The following JMJD1C variants were observed in gnomAD, a reference collection of about 807,000 sequenced individuals.
JMJD1C encodes the protein jumonji domain containing 1C.
Under a neutral mutation model 245.3 loss-of-function variants are expected in JMJD1C, and 31 were observed. The observed-to-expected ratio is 0.13, with a 90% CI of 0.09 to 0.17. The LOEUF (loss-of-function observed/expected upper bound fraction) is 0.17, where lower values mean the gene tolerates loss of function less well. JMJD1C is among the 10% of genes least tolerant of loss of function. The pLI is 1.00. For synonymous variants in JMJD1C, 1,057 were observed against 1,017.4 expected, an observed-to-expected ratio of 1.04 and a Z score of -0.74; for missense variants, 2,691 against 3,000.2, an observed-to-expected ratio of 0.90 and a Z score of 2.41.
intron 1 of JMJD1C, among the ~76,000 whole-genome samples, chr10:63,418,088 TTC>T (rs764004464): frequency 2.0e-5 from 3 of 152,166 alleles, no homozygotes; most frequent in Non-Finnish European, 4.4e-5. Context: ...CAAAATCATA[TTC>T]TGTTTTATTG....
chr10:63,370,300 G>C (rs1946199657), intron 2 of JMJD1C, among the ~76,000 whole-genome samples: 1 of 152,196 alleles, frequency 6.6e-6, no homozygotes, highest in Non-Finnish European at 1.5e-5. Context: ...CTTGAAACTA[G>C]TGCCAGAAGT....
Position 63,260,641 on chromosome 10 carries a change from G to C in JMJD1C, c.447+4010C>G, listed in dbSNP as rs942824389. ...GTCACGCTCTGTTGCCCAGGCTAGA[G>C]TGCAGTGGCGCGGTCTCGGCTCACT... On this transcript the variant is annotated intron_variant, in intron 3 of 25. Coordinates refer to ENST00000399262, the MANE Select transcript of JMJD1C (RefSeq NM_032776.3). Among the ~76,000 whole-genome samples, 3 of 152,078 alleles carry C rather than the reference G, an allele frequency of 2.0e-5. No homozygotes were observed. In the East Asian group the frequency reaches 5.8e-4, roughly 29 times the overall value.
At chr10:63,424,588 C>A (rs1664050440) in intron 1 of JMJD1C, among the ~76,000 whole-genome samples, 1 of 77,776 alleles carries the variant, frequency 1.3e-5, no homozygotes, top group Admixed American at 1.1e-4. Context: ...CTCACTGCAG[C>A]CTCGACCTCC....
chr10:63,217,944 AT>A (rs1234943519), intron 4 of JMJD1C, among the ~76,000 whole-genome samples: 2 of 152,108 alleles, frequency 1.3e-5, no homozygotes, highest in African/African-American at 4.8e-5. Flanking sequence ...ATAATAAAAA[AT>A]ATTAAACATA....
At chr10:63,204,166 G>A in intron 10 of JMJD1C, 1 of 984,794 alleles carries the variant, frequency 1.0e-6, no homozygotes, top group Non-Finnish European at 1.2e-6. Context: ...AGGTAGCCTA[G>A]AACAAAAGCA....
chr10:63,270,686 TG>T (rs1024184214), intron 2 of JMJD1C, among the ~76,000 whole-genome samples: 1 of 152,154 alleles, frequency 6.6e-6, no homozygotes, highest in African/African-American at 2.4e-5. Flanking sequence ...CAGAATGGTC[TG>T]GAACTCCTGA....
At chr10:63,260,356 T>C (rs1305788016) in intron 3 of JMJD1C, among the ~76,000 whole-genome samples, 1 of 152,178 alleles carries the variant, frequency 6.6e-6, no homozygotes, top group African/African-American at 2.4e-5. Context: ...CCACATTCTC[T>C]ATGAAGCAAC....
At chr10:63,373,171 C>T (rs1246503254) in intron 2 of JMJD1C, 1 of 161,522 alleles carries the variant, frequency 6.2e-6, no homozygotes, top group East Asian at 1.9e-4. Context: ...AAGTAACTTA[C>T]ATGAAGACGC....
intron 1 of JMJD1C, among the ~76,000 whole-genome samples, chr10:63,426,543 C>T (rs969218696): frequency 6.6e-6 from 1 of 151,988 alleles, no homozygotes; most frequent in Non-Finnish European, 1.5e-5. Context: ...TGGTGGTGCG[C>T]GCCTGTAATC....
intron 3 of JMJD1C, among the ~76,000 whole-genome samples, chr10:63,238,773 C>CT (rs1324262944): frequency 1.3e-5 from 2 of 152,130 alleles, no homozygotes; most frequent in African/African-American, 4.8e-5. Flanking sequence ...TTGAAATAGT[C>CT]TAAGTGTGGG....
At chr10:63,309,817 T>A (rs1431643730) in intron 2 of JMJD1C, among the ~76,000 whole-genome samples, 2 of 152,172 alleles carry the variant, frequency 1.3e-5, no homozygotes, top group East Asian at 3.9e-4. Context: ...CTCAGGAGGC[T>A]GAGGCAGAAG....
chr10:63,334,381 A>G (rs1470903235), intron 2 of JMJD1C, among the ~76,000 whole-genome samples: 2 of 152,200 alleles, frequency 1.3e-5, no homozygotes, highest in African/African-American at 4.8e-5. Context: ...ACAGATGAAT[A>G]TGATCTATAC....
At chr10:63,255,654 T>C (rs988655997) in intron 3 of JMJD1C, among the ~76,000 whole-genome samples, 5 of 152,176 alleles carry the variant, frequency 3.3e-5, no homozygotes, top group Admixed American at 2.0e-4. Context: ...CTATTTTTGC[T>C]TCCTTCTCAT....
intron 3 of JMJD1C, among the ~76,000 whole-genome samples, chr10:63,263,403 A>T (rs563307088): frequency 6.6e-6 from 1 of 152,190 alleles, no homozygotes; most frequent in African/African-American, 2.4e-5. Context: ...TGCACAACAA[A>T]TAACTGCTCA....
chr10:63,399,248 T>C (rs185542149), intron 1 of JMJD1C, among the ~76,000 whole-genome samples: 38 of 152,308 alleles, frequency 2.5e-4, no homozygotes, highest in African/African-American at 7.5e-4. Flanking sequence ...ACAACCTTAG[T>C]AATCTCTTAA....
intron 2 of JMJD1C, among the ~76,000 whole-genome samples, chr10:63,351,213 G>A (rs1944334635): frequency 6.6e-6 from 1 of 151,414 alleles, no homozygotes; most frequent in African/African-American, 2.4e-5. Flanking sequence ...TGAGGAGCTG[G>A]GATTACAAGC....
intron 8 of JMJD1C, among the ~76,000 whole-genome samples, chr10:63,211,464 CAAAA>C (rs71025124): frequency 1.8e-3 from 186 of 103,410 alleles, no homozygotes; most frequent in Non-Finnish European, 1.3e-3. Flanking sequence ...GACTCCATCT[CAAAA>C]AAAAAAAAAA....
At position 63,214,552 on chromosome 10, in the gene JMJD1C, G is replaced by A; in HGVS notation, c.1615C>T (p.Pro539Ser). The change falls in exon 8 of 26, where the codon CCT becomes TCT. Residue 539 changes from proline to serine, a missense_variant. Physicochemically the swap from Pro to Ser is moderately conservative, Grantham distance 74. Coordinates refer to ENST00000399262, the MANE Select transcript of JMJD1C (RefSeq NM_032776.3). The stretch of plus-strand genomic sequence containing the variant: ...GAGTGTTTTGAATCACTAACATTAG[G>A]ATCCATTTTCTGAAGTGTCTGAAGG... Reference protein sequence around the residue: ...FGLQTLQKMDPNVSDSKHSIA... With the variant: ...FGLQTLQKMDSNVSDSKHSIA... The A allele has an allele frequency of 6.2e-7, 1 of 1,613,780 alleles. No homozygotes were observed. Among genetic ancestry groups the A allele is most frequent in the Non-Finnish European group, 8.5e-7 (1 of 1,179,862 alleles).
intron 1 of JMJD1C, among the ~76,000 whole-genome samples, chr10:63,484,900 C>T (rs958957443): frequency 1.3e-5 from 2 of 151,730 alleles, no homozygotes; most frequent in Non-Finnish European, 2.9e-5. Flanking sequence ...TCCACTACTG[C>T]AAGGCCCTAG....
Sources: gnomAD v4.1 joint callset for allele counts (sites outside exome capture counted in the v4.1 genomes callset) on GRCh38, gnomAD v4.1.1 for gene constraint, MANE v1.5 for transcripts, NCBI Gene and HGNC (gene_info 2026-07-23, HGNC 2026-07-21) for gene names.